TRPV1: variants seen among roughly 807,000 people sequenced by gnomAD.
TRPV1 encodes the protein OTRPC1.
Under a neutral mutation model 82.3 loss-of-function variants are expected in TRPV1, and 82 were observed. The observed-to-expected ratio is 1.00, with a 90% CI of 0.83 to 1.20. The LOEUF is 1.20. Ranked by LOEUF, TRPV1 falls within the 50% of genes most tolerant of loss-of-function variation. The probability of loss-of-function intolerance (pLI) is 0.00; values close to 1 mark genes in which losing one functional copy is unlikely to be tolerated. For synonymous variants in TRPV1, 515 were observed against 467.7 expected (o/e 1.10, Z -1.30); for missense variants, 1,067 against 1,096.8 (o/e 0.97, Z 0.38).
intron 16 of TRPV1, among the ~76,000 whole-genome samples, chr17:3,567,608 T>A (rs2074785724): frequency 6.6e-6 from 1 of 151,826 alleles, no homozygotes; most frequent in African/African-American, 2.4e-5. Context: ...ATCTCCTCCC[T>A]GCCCCAGCGG....
At chr17:3,590,140 G>A (rs779362853) in intron 6 of TRPV1, 35 bp from the exon 7 acceptor site, 3 of 1,588,216 alleles carry the variant, frequency 1.9e-6, no homozygotes, top group Admixed American at 1.7e-5. Context: ...GGCCTCAGGA[G>A]TGAGATCCAG....
chr17:3,567,480 C>G (rs2074783999), intron 16 of TRPV1, among the ~76,000 whole-genome samples: 1 of 152,064 alleles, frequency 6.6e-6, no homozygotes, highest in African/African-American at 2.4e-5. Context: ...ATGTCCTCCT[C>G]CCTCAACTAC....
At chr17:3,602,066 C>G (rs996622217) in intron 2 of TRPV1, 1 of 152,204 alleles carries the variant, frequency 6.6e-6, no homozygotes, top group African/African-American at 2.4e-5. Context: ...ACTATCTCAT[C>G]AGACCTCAGT....
At chr17:3,583,482 C>G in intron 9 of TRPV1, 52 bp from the exon 10 acceptor site, 1 of 1,401,416 alleles carries the variant, frequency 7.1e-7, no homozygotes, top group Admixed American at 2.0e-5. Context: ...GTTCATTCAA[C>G]AAACATGGAC....
At chr17:3,584,416 AT>A (rs1421060764) in intron 9 of TRPV1, among the ~76,000 whole-genome samples, 37,448 of 69,498 alleles carry the variant, frequency 0.54, 9,489 homozygotes, top group Non-Finnish European at 0.57. Flanking sequence ...AAAAAAAAAA[AT>A]AAAATAAAAA....
intron 11 of TRPV1, 188 bp from the exon 12 acceptor site, chr17:3,577,951 T>C (rs1426649980): frequency 1.0e-5 from 6 of 588,208 alleles, no homozygotes; most frequent in South Asian, 4.3e-5. Context: ...GGAGCAGAAA[T>C]TGGCTTGGTG....
chr17:3,568,798 T>G (rs879924454), intron 16 of TRPV1, among the ~76,000 whole-genome samples: 1 of 151,760 alleles, frequency 6.6e-6, no homozygotes, highest in Non-Finnish European at 1.5e-5. Flanking sequence ...TCCCAACACT[T>G]TGGGAGACCA....
intron 13 of TRPV1, among the ~76,000 whole-genome samples, chr17:3,576,668 A>AAAAAAAAAAAAAAAAAAAATATAT: frequency 1.0e-4 from 4 of 38,422 alleles, no homozygotes; most frequent in Admixed American, 4.5e-4. Context: ...AAAAAAAAAA[A>AAAAAAAAAAAAAAAAAAAATATAT]ATATATATAT....
At chr17:3,603,691 T>C (rs2075279186) in intron 2 of TRPV1, among the ~76,000 whole-genome samples, 2 of 152,236 alleles carry the variant, frequency 1.3e-5, no homozygotes, top group Admixed American at 6.5e-5. Context: ...TGCTGAGCTG[T>C]ATCCGGCCAT....
At chr17:3,585,154 CT>C (rs11390232) in intron 9 of TRPV1, 52,663 of 147,280 alleles carry the variant, frequency 0.36, 9,570 homozygotes, top group Middle Eastern at 0.49. Flanking sequence ...CGTGATTTTT[CT>C]TTTTTTTTTT....
chr17:3,574,150 A>G lies in TRPV1; in HGVS notation c.1781-195T>C, dbSNP rs552321442. On this transcript the variant is annotated intron_variant, in intron 13 of 16. Coordinates refer to ENST00000572705, the MANE Select transcript of TRPV1 (RefSeq NM_080704.4). Reference sequence around the variant, plus strand: ...CTTTATCATCATCTGCTAGAAAAATAAATAAATATATAAGTCTCTATGTGC... The same window carrying G: ...CTTTATCATCATCTGCTAGAAAAATGAATAAATATATAAGTCTCTATGTGC... Among the ~76,000 whole-genome samples the G allele has an allele frequency of 3.3e-5, 5 of 152,360 alleles. No individual in the cohort carries two copies. The East Asian group carries it at 7.7e-4, about 23-fold the overall frequency.
At chr17:3,582,363 C>A (rs2075032176) in intron 10 of TRPV1, among the ~76,000 whole-genome samples, 1 of 151,618 alleles carries the variant, frequency 6.6e-6, no homozygotes, top group South Asian at 2.1e-4. Context: ...CACAGCAAGA[C>A]CCCATCTTAT....
chr17:3,580,587 C>T, intron 10 of TRPV1, 60 bp from the exon 11 acceptor site: 1 of 1,553,256 alleles, frequency 6.4e-7, no homozygotes, highest in Non-Finnish European at 8.9e-7. Context: ...AAATGGTGAG[C>T]ACTCAGATGC....
intron 16 of TRPV1, among the ~76,000 whole-genome samples, chr17:3,568,186 G>A (rs1025129942): frequency 2.0e-5 from 3 of 151,654 alleles, no homozygotes; most frequent in Admixed American, 6.6e-5. Context: ...GCCGGGCGTA[G>A]TGGCGGGCGC....
At chr17:3,593,853 C>T (rs1021550985) in intron 2 of TRPV1, among the ~76,000 whole-genome samples, 2 of 152,088 alleles carry the variant, frequency 1.3e-5, no homozygotes, top group South Asian at 2.1e-4. Flanking sequence ...GGCCTGGGCG[C>T]GTGGCTCACG....
chr17:3,586,923 T>C (rs1283571881), intron 8 of TRPV1, among the ~76,000 whole-genome samples: 5 of 152,156 alleles, frequency 3.3e-5, no homozygotes, highest in African/African-American at 7.2e-5. Flanking sequence ...CAGTGTCTTC[T>C]TGAATGCCTT....
At chr17:3,574,083 T>C (rs993308863) in intron 13 of TRPV1, 128 bp from the exon 14 acceptor site, 6 of 812,068 alleles carry the variant, frequency 7.4e-6, no homozygotes, top group African/African-American at 1.7e-5. Context: ...GCATCCCTTC[T>C]TTAAAACTAT....
chr17:3,598,996 T>A (rs2075242796), intron 2 of TRPV1, among the ~76,000 whole-genome samples: 2 of 149,812 alleles, frequency 1.3e-5, no homozygotes, highest in South Asian at 4.3e-4. Flanking sequence ...CCCAGCACTT[T>A]GGGAGGCCGA....
intron 14 of TRPV1, 101 bp downstream of exon 14, chr17:3,573,532 G>GCCCCACCCCCC: frequency 7.8e-6 from 2 of 257,076 alleles, no homozygotes; most frequent in South Asian, 3.0e-5. Context: ...GCCACACACC[G>GCCCCACCCCCC]CCCCCACCAC....
Sources: allele counts gnomAD v4.1 joint callset (sites outside exome capture counted in the v4.1 genomes callset), GRCh38; gene constraint gnomAD v4.1.1; transcripts MANE v1.5; gene names NCBI Gene and HGNC (gene_info 2026-07-23, HGNC 2026-07-21).